COLGALT2: variants seen among roughly 807,000 people sequenced by gnomAD.
COLGALT2 encodes the protein collagen beta(1-O)galactosyltransferase 2, also known as procollagen galactosyltransferase 2.
In COLGALT2, 49 loss-of-function variants were observed where a neutral mutation model predicts 73.4. The ratio of observed to expected loss-of-function variants is 0.67; its 90% CI spans 0.53 to 0.85. The LOEUF is 0.85. COLGALT2 is among the 40% of genes least tolerant of loss of function. The probability of loss-of-function intolerance (pLI) is 0.00; values close to 1 mark genes in which losing one functional copy is unlikely to be tolerated. For synonymous variants in COLGALT2, 295 were observed against 307.6 expected, an observed-to-expected ratio of 0.96 and a Z score of 0.43; for missense variants, 722 against 790.2, an observed-to-expected ratio of 0.91 and a Z score of 1.03.
chr1:184,022,059 G>A lies in COLGALT2; in HGVS notation c.263+15036C>T, dbSNP rs148745526. ...GCTGTAGCCATGTGTAACCCTTATC[G>A]TCTTAGGGCTCAAAAACTAAGGAAG... On this transcript the variant is annotated intron_variant, in intron 1 of 11. Coordinates refer to ENST00000361927, the MANE Select transcript of COLGALT2 (RefSeq NM_015101.4). Among the ~76,000 whole-genome samples the A allele has an allele frequency of 3.3e-3, 503 of 152,308 alleles. 9 individuals carry two copies. The South Asian group carries it at 0.039, about 12-fold the overall frequency.
At chr1:183,973,539 G>T in intron 4 of COLGALT2, 77 bp downstream of exon 4, 1 of 1,558,336 alleles carries the variant, frequency 6.4e-7, no homozygotes, top group Admixed American at 1.8e-5. Context: ...ACAAGAGAAA[G>T]GTGAATGGGA....
intron 1 of COLGALT2, among the ~76,000 whole-genome samples, chr1:183,981,771 T>A: frequency 6.6e-6 from 1 of 152,154 alleles, no homozygotes; most frequent in Non-Finnish European, 1.5e-5. Context: ...ATTTTTTTTA[T>A]CTCCTAAAAT....
chr1:183,938,149 T>C lies in COLGALT2; in HGVS notation c.*612A>G. 2 of 985,914 alleles carry C rather than the reference T, an allele frequency of 2.0e-6. No individual in the cohort carries two copies. The highest frequency in any genetic ancestry group is 2.4e-6 in the Non-Finnish European group (2 of 830,452). 61.1% of individuals were successfully genotyped at this position (985,914 alleles called of 1,614,324 possible). On this transcript the variant is annotated 3_prime_UTR_variant, in exon 12 of 12. Transcript: ENST00000361927. ...ACTGCCATGATGGTCACAGGCCAAG[T>C]CTCAGTCGGACCCAAATACCCACCC...
In COLGALT2 at chr1:183,937,284, G is replaced by T; in HGVS notation, c.*1477C>A. On this transcript the variant is annotated 3_prime_UTR_variant, in exon 12 of 12. Transcript: ENST00000361927. Reference sequence around the variant, plus strand: ...GTGCTGGTATGGGATGCCTGGGAGGGTTTTTCTGGAGACAAAAATTTACAG... The same window carrying T: ...GTGCTGGTATGGGATGCCTGGGAGGTTTTTTCTGGAGACAAAAATTTACAG... 8.8e-7 allele frequency: 1 copy of T among 1,131,444 alleles called. No individual in the cohort carries two copies. The highest frequency in any genetic ancestry group is 1.1e-6 in the Non-Finnish European group (1 of 924,762). The allele number at this position is 1,131,444 out of a possible 1,614,324, so 70.1% of individuals were successfully genotyped here.
At chr1:184,009,628 C>T (rs1194578401) in intron 1 of COLGALT2, among the ~76,000 whole-genome samples, 1 of 152,136 alleles carries the variant, frequency 6.6e-6, no homozygotes, top group Non-Finnish European at 1.5e-5. Context: ...ATGAGTAGAT[C>T]ATCTTGGGGA....
intron 1 of COLGALT2, among the ~76,000 whole-genome samples, chr1:183,979,412 T>C (rs1258758963): frequency 2.0e-5 from 3 of 152,118 alleles, no homozygotes; most frequent in Non-Finnish European, 2.9e-5. Context: ...GGAGACTTTA[T>C]AATACTAAAG....
At chr1:183,948,244 A>G (rs1670301120) in intron 8 of COLGALT2, among the ~76,000 whole-genome samples, 1 of 152,180 alleles carries the variant, frequency 6.6e-6, no homozygotes, top group Non-Finnish European at 1.5e-5. Context: ...TGAAGCCAAT[A>G]TTATTTTGAT....
chr1:183,985,436 C>A (rs1671461199), intron 1 of COLGALT2, among the ~76,000 whole-genome samples: 1 of 152,136 alleles, frequency 6.6e-6, no homozygotes, highest in Non-Finnish European at 1.5e-5. Context: ...CCATGCCCAG[C>A]TAATTTTGTA....
chr1:183,957,877 C>G (rs949309350), intron 6 of COLGALT2, among the ~76,000 whole-genome samples: 3 of 148,556 alleles, frequency 2.0e-5, no homozygotes, highest in African/African-American at 7.5e-5. Flanking sequence ...AGAGCTGGAA[C>G]TCAGTTTTAG....
chr1:184,003,611 A>G (rs547326627), intron 1 of COLGALT2, among the ~76,000 whole-genome samples: 48 of 152,158 alleles, frequency 3.2e-4, no homozygotes, highest in Non-Finnish European at 5.0e-4. Context: ...CCCTTTATGA[A>G]TTTCCAAATC....
In COLGALT2 at chr1:183,937,744, C is replaced by A; in HGVS notation, c.*1017G>T. 1 of 985,352 alleles carries A rather than the reference C, an allele frequency of 1.0e-6. No individual in the cohort carries two copies. The highest frequency in any genetic ancestry group is 1.2e-6 in the Non-Finnish European group (1 of 829,898). The allele number at this position is 985,352 out of a possible 1,614,324, so 61.0% of individuals were successfully genotyped here. ...CTCTGCCTTATCCTAAAGACAATAT[C>A]TTCGCCCATTTTGTAAAATAAATAA... On this transcript the variant is annotated 3_prime_UTR_variant, in exon 12 of 12. Transcript: ENST00000361927.
exon 12 of COLGALT2, chr1:183,930,068 A>C (rs1669806939): frequency 1.4e-5 from 5 of 356,380 alleles, no homozygotes; most frequent in South Asian, 1.1e-4. Context: ...CTTAGACCAA[A>C]GCGACACCTG....
intron 1 of COLGALT2, among the ~76,000 whole-genome samples, chr1:184,023,650 G>A (rs539674549): frequency 1.3e-5 from 2 of 151,860 alleles, no homozygotes; most frequent in African/African-American, 4.8e-5. Context: ...AGGTGGGGGG[G>A]GGGGGCGGTG....
downstream of COLGALT2, among the ~76,000 whole-genome samples, chr1:183,932,366 G>A (rs961059803): frequency 1.1e-4 from 17 of 152,252 alleles, no homozygotes; most frequent in African/African-American, 2.9e-4. Flanking sequence ...CACAGCACAC[G>A]TAGGGAAAGT....
chr1:183,935,484 C>A (rs940429122), downstream of COLGALT2, among the ~76,000 whole-genome samples: 9 of 152,182 alleles, frequency 5.9e-5, no homozygotes, highest in Non-Finnish European at 1.3e-4. Context: ...CAGGAAAAAG[C>A]TCTTTGGCCT....
chr1:183,976,384 A>G (rs956071168), intron 2 of COLGALT2, among the ~76,000 whole-genome samples: 7 of 148,748 alleles, frequency 4.7e-5, no homozygotes, highest in Non-Finnish European at 1.0e-4. Context: ...TCTTTATAAT[A>G]TAAATATTTA....
chr1:183,972,779 A>G (rs780599892), intron 4 of COLGALT2, among the ~76,000 whole-genome samples: 3 of 151,896 alleles, frequency 2.0e-5, no homozygotes, highest in Non-Finnish European at 4.4e-5. Context: ...GGCTCACTGC[A>G]AGCTCCGCCT....
intron 1 of COLGALT2, among the ~76,000 whole-genome samples, chr1:184,011,552 C>A (rs1648788401): frequency 6.6e-6 from 1 of 152,192 alleles, no homozygotes; most frequent in Admixed American, 6.5e-5. Context: ...ATTTAAGGAG[C>A]CAGACAGTAG....
In COLGALT2 at chr1:183,998,344, G is replaced by A. The variant is rs140329611; in HGVS notation, c.264-19824C>T. Among the ~76,000 whole-genome samples the A allele has an allele frequency of 3.5e-3, 526 of 152,174 alleles. 1 individual carries two copies. The highest frequency in any genetic ancestry group is 0.012 in the African/African-American group (484 of 41,518). Reference sequence around the variant, plus strand: ...TGTTTGTATTTTTGCCCATTTTTCTGTTAGGTTCTTTGATTTTTCTCTTTT... The same window carrying A: ...TGTTTGTATTTTTGCCCATTTTTCTATTAGGTTCTTTGATTTTTCTCTTTT... On this transcript the variant is annotated intron_variant, in intron 1 of 11. Transcript: ENST00000361927.
Sources: gnomAD v4.1 joint callset for allele counts (sites outside exome capture counted in the v4.1 genomes callset) on GRCh38, gnomAD v4.1.1 for gene constraint, MANE v1.5 for transcripts, NCBI Gene and HGNC (gene_info 2026-07-23, HGNC 2026-07-21) for gene names.